The following SNTG1 variants were observed in gnomAD, a reference collection of about 807,000 sequenced individuals.
SNTG1 encodes the protein syntrophin gamma 1, also known as gamma-1-syntrophin.
SNTG1 carries 39 observed loss-of-function variants against 74.7 expected under a neutral mutation model. That is an observed-to-expected ratio of 0.52 (90% CI 0.40 to 0.68). The LOEUF (loss-of-function observed/expected upper bound fraction) is 0.68. SNTG1 is among the 30% of genes least tolerant of loss of function. The pLI, the probability that SNTG1 is intolerant of heterozygous loss-of-function variation, is 0.00. For missense variants in SNTG1, 685 were observed against 609.5 expected (o/e 1.12, Z -1.30); for synonymous variants, 254 against 217.1 (o/e 1.17, Z -1.49).
At chr8:50,362,272 G>A (rs1277350640) in intron 2 of SNTG1, among the ~76,000 whole-genome samples, 1 of 152,118 alleles carries the variant, frequency 6.6e-6, no homozygotes, top group Non-Finnish European at 1.5e-5. Context: ...AAGATAACCA[G>A]TATATCTTCC....
intron 4 of SNTG1, among the ~76,000 whole-genome samples, chr8:50,411,317 G>A (rs574434469): frequency 7.2e-5 from 11 of 151,840 alleles, no homozygotes; most frequent in East Asian, 2.0e-4. Context: ...GCATGGTGGC[G>A]GGCGCCTGTA....
chr8:50,579,662 A>AG (rs1474585654), intron 12 of SNTG1, among the ~76,000 whole-genome samples: 3 of 152,208 alleles, frequency 2.0e-5, no homozygotes, highest in Non-Finnish European at 1.5e-5. Context: ...AATAAAAAAA[A>AG]GGGGGCCAAT....
intron 8 of SNTG1, among the ~76,000 whole-genome samples, chr8:50,484,080 TTTTCTTTCTCTC>T (rs1319534249): frequency 1.7e-5 from 2 of 117,580 alleles, no homozygotes; most frequent in African/African-American, 5.7e-5. Flanking sequence ...TCTTTTCTCT[TTTTCTTTCTCTC>T]TTTCTTTCTC....
At chr8:50,190,381 T>C (rs746313665) in intron 2 of SNTG1, among the ~76,000 whole-genome samples, 9 of 152,300 alleles carry the variant, frequency 5.9e-5, no homozygotes, top group Non-Finnish European at 8.8e-5. Context: ...GCTTTTAAGA[T>C]TATATTTCAG....
chr8:49,948,228 G>A (rs748527892), intron 1 of SNTG1, among the ~76,000 whole-genome samples: 8 of 152,066 alleles, frequency 5.3e-5, no homozygotes, highest in Admixed American at 1.3e-4. Flanking sequence ...ACTCCACAGA[G>A]ACTGATATTT....
intron 3 of SNTG1, among the ~76,000 whole-genome samples, chr8:50,397,014 A>T (rs2092736599): frequency 6.6e-6 from 1 of 152,218 alleles, no homozygotes; most frequent in Admixed American, 6.5e-5. Context: ...ATTAGGAAGT[A>T]TTGCTTTTCA....
intron 13 of SNTG1, among the ~76,000 whole-genome samples, chr8:50,647,727 T>C (rs1208352563): frequency 1.3e-5 from 2 of 152,210 alleles, no homozygotes; most frequent in Non-Finnish European, 2.9e-5. Context: ...TTTGTGATAA[T>C]GATACATTTA....
In SNTG1 at chr8:50,502,765, T is replaced by C; in HGVS notation, c.364-13T>C. The stretch of plus-strand genomic sequence containing the variant: ...TGTAATGATGATTGTATTCTTTTTA[T>C]TCTTTTTTTCAGGTTCAGGTTCTTC... On this transcript the variant is annotated splice_polypyrimidine_tract_variant and intron_variant, in intron 8 of 18. Transcript: ENST00000642720. 1.2e-6 allele frequency: 2 copies of C among 1,600,672 alleles called. No homozygotes were observed. The highest frequency in any genetic ancestry group is 1.7e-6 in the Non-Finnish European group (2 of 1,169,326).
chr8:50,763,395 A>T (rs1188846257), intron 18 of SNTG1, among the ~76,000 whole-genome samples: 1 of 151,892 alleles, frequency 6.6e-6, no homozygotes, highest in African/African-American at 2.4e-5. Context: ...GATTCCAGAG[A>T]ACATACTCTA....
At chr8:50,708,614 G>C (rs973218444) in intron 16 of SNTG1, 1 of 358,622 alleles carries the variant, frequency 2.8e-6, no homozygotes, top group African/African-American at 2.1e-5. Context: ...AGCAAAGACA[G>C]ACAGTGTAGC....
intron 12 of SNTG1, among the ~76,000 whole-genome samples, chr8:50,562,610 G>C (rs2094494902): frequency 6.6e-6 from 1 of 152,008 alleles, no homozygotes; most frequent in South Asian, 2.1e-4. Context: ...TAAATGTGTG[G>C]GTTTTTCTTA....
intron 17 of SNTG1, among the ~76,000 whole-genome samples, chr8:50,732,577 C>T (rs73678648): frequency 0.045 from 6,894 of 151,764 alleles, 263 homozygotes; most frequent in African/African-American, 0.1. Flanking sequence ...TATTCCTTTA[C>T]ATTTTATATA....
chr8:50,053,623 T>C (rs1040453533), intron 1 of SNTG1, among the ~76,000 whole-genome samples: 1 of 134,430 alleles, frequency 7.4e-6, no homozygotes, highest in African/African-American at 2.9e-5. Context: ...ATATATATAA[T>C]TGTGTGTGTG....
chr8:50,231,845 G>A (rs1002664692), intron 2 of SNTG1, among the ~76,000 whole-genome samples: 14 of 151,226 alleles, frequency 9.3e-5, no homozygotes, highest in African/African-American at 3.4e-4. Context: ...GTACATTTCA[G>A]TTTTGCTGAG....
chr8:50,175,403 G>T (rs1227970029), intron 2 of SNTG1, among the ~76,000 whole-genome samples: 1 of 152,138 alleles, frequency 6.6e-6, no homozygotes, highest in Non-Finnish European at 1.5e-5. Flanking sequence ...TATTTCTCCT[G>T]TGATTCCTTG....
chr8:50,734,076 T>C (rs1462125179), intron 17 of SNTG1, among the ~76,000 whole-genome samples: 1 of 151,748 alleles, frequency 6.6e-6, no homozygotes, highest in African/African-American at 2.4e-5. Flanking sequence ...AACTTAACTT[T>C]AAAATATTTT....
At chr8:50,023,367 G>T (rs944411943) in intron 1 of SNTG1, among the ~76,000 whole-genome samples, 1 of 152,132 alleles carries the variant, frequency 6.6e-6, no homozygotes, top group African/African-American at 2.4e-5. Flanking sequence ...GAGGCATGCA[G>T]AGAAGAGATA....
At chr8:50,071,504 A>G (rs1413584001) in intron 1 of SNTG1, among the ~76,000 whole-genome samples, 1 of 151,962 alleles carries the variant, frequency 6.6e-6, no homozygotes, top group East Asian at 1.9e-4. Flanking sequence ...TTTGAGTGGA[A>G]TTTTGCTTTT....
chr8:50,195,914 G>A (rs1371191228), intron 2 of SNTG1, among the ~76,000 whole-genome samples: 1 of 152,088 alleles, frequency 6.6e-6, no homozygotes, highest in Non-Finnish European at 1.5e-5. Flanking sequence ...TGCTCTGTCT[G>A]GAATTGCAAC....
Sources: allele counts gnomAD v4.1 joint callset (sites outside exome capture counted in the v4.1 genomes callset), GRCh38; gene constraint gnomAD v4.1.1; transcripts MANE v1.5; gene names NCBI Gene and HGNC (gene_info 2026-07-23, HGNC 2026-07-21).